GDAP1: variants seen among roughly 807,000 people sequenced by gnomAD.
GDAP1 encodes the protein ganglioside induced differentiation associated protein 1.
Under a neutral mutation model 40.1 loss-of-function variants are expected in GDAP1, and 34 were observed. That is an observed-to-expected ratio of 0.85 (90% CI 0.64 to 1.13). GDAP1 has a LOEUF of 1.13. Ranked by LOEUF, GDAP1 falls within the 50% of genes most tolerant of loss-of-function variation. The pLI is 0.00. For missense variants in GDAP1, 374 were observed against 433.7 expected, an observed-to-expected ratio of 0.86 and a Z score of 1.22; for synonymous variants, 170 against 157.4, an observed-to-expected ratio of 1.08 and a Z score of -0.60.
At chr8:74,368,899 A>G (rs1431019111), downstream of GDAP1, among the ~76,000 whole-genome samples, 4 of 152,198 alleles carry the variant, frequency 2.6e-5, no homozygotes, top group East Asian at 1.9e-4. Context: ...TGACAAATCA[A>G]AATGTCTTTG....
chr8:74,370,738 T>C (rs150160304), downstream of GDAP1, among the ~76,000 whole-genome samples: 116 of 152,354 alleles, frequency 7.6e-4, no homozygotes, highest in Admixed American at 1.2e-3. Flanking sequence ...AAGTATGCGC[T>C]ATTTATGAGA....
At chr8:74,478,238 G>T (rs1295828964) in intron 2 of GDAP1, among the ~76,000 whole-genome samples, 1 of 152,068 alleles carries the variant, frequency 6.6e-6, no homozygotes, top group Non-Finnish European at 1.5e-5. Context: ...GCAGTGACAT[G>T]GTCAGGTGCA....
intron 2 of GDAP1, among the ~76,000 whole-genome samples, chr8:74,461,902 A>G (rs1806406433): frequency 6.6e-6 from 1 of 152,230 alleles, no homozygotes; most frequent in South Asian, 2.1e-4. Context: ...GAGAAAAACA[A>G]TTCTGTTCCA....
chr8:74,386,270 A>G (rs1810023615), intron 2 of GDAP1, among the ~76,000 whole-genome samples: 2 of 152,124 alleles, frequency 1.3e-5, no homozygotes, highest in African/African-American at 2.4e-5. Flanking sequence ...GCCCATGCCT[A>G]TGTCCTGAAT....
intron 2 of GDAP1, among the ~76,000 whole-genome samples, chr8:74,479,619 C>A (rs1806680938): frequency 6.6e-6 from 1 of 152,152 alleles, no homozygotes; most frequent in Non-Finnish European, 1.5e-5. Flanking sequence ...TTATTTAGTT[C>A]TTCTGTGGGT....
At chr8:74,469,764 T>C (rs1806523148) in intron 2 of GDAP1, among the ~76,000 whole-genome samples, 1 of 150,812 alleles carries the variant, frequency 6.6e-6, no homozygotes, top group South Asian at 2.1e-4. Flanking sequence ...TCACCTGAGG[T>C]CGGGAGTTTG....
intron 2 of GDAP1, among the ~76,000 whole-genome samples, chr8:74,487,735 C>T (rs1463864784): frequency 1.3e-5 from 2 of 152,064 alleles, no homozygotes; most frequent in African/African-American, 4.8e-5. Context: ...GCCAAGAGAT[C>T]TATTTTATAT....
chr8:74,434,846 C>A lies in GDAP1; in HGVS notation c.166-53832C>A, dbSNP rs941814151. Among the ~76,000 whole-genome samples, 3 of 152,296 alleles carry A rather than the reference C, an allele frequency of 2.0e-5. No homozygotes were observed. The East Asian group carries it at 5.8e-4, about 29-fold the overall frequency. ...GGAGACTTTATACAAAAAAAGTGCT[C>A]ATCTTCCAACAGAATTGGGTTTAAA... On this transcript the variant is annotated intron_variant, in intron 2 of 2. Transcript: ENST00000523640.
intron 2 of GDAP1, among the ~76,000 whole-genome samples, chr8:74,427,094 C>T (rs1369868015): frequency 1.3e-5 from 2 of 152,176 alleles, no homozygotes; most frequent in Non-Finnish European, 2.9e-5. Context: ...CAAACAGAGG[C>T]CAGAAAAATG....
chr8:74,364,990 T>C lies in GDAP1; in HGVS notation c.*623T>C, dbSNP rs1352486597. On this transcript the variant is annotated 3_prime_UTR_variant, in exon 6 of 6. Coordinates refer to ENST00000220822, the MANE Select transcript of GDAP1 (RefSeq NM_018972.4). Reference sequence around the variant, plus strand: ...CCTTACCATTTCAGATGGTCCGCAATTTGAATTACCAAGTGGTAATGGTTC... The same window carrying C: ...CCTTACCATTTCAGATGGTCCGCAACTTGAATTACCAAGTGGTAATGGTTC... The C allele has an allele frequency of 4.4e-6, 2 of 453,996 alleles. No individual in the cohort carries two copies. The highest frequency in any genetic ancestry group is 2.0e-5 in the African/African-American group (1 of 50,002). 28.1% of individuals were successfully genotyped at this position (453,996 alleles called of 1,614,324 possible).
chr8:74,432,930 A>G (rs1806045272), intron 2 of GDAP1, among the ~76,000 whole-genome samples: 1 of 152,168 alleles, frequency 6.6e-6, no homozygotes. Flanking sequence ...ATTATGTATA[A>G]AGCCTCACAT....
intron 2 of GDAP1, among the ~76,000 whole-genome samples, chr8:74,388,785 G>A (rs551799970): frequency 3.2e-4 from 48 of 152,262 alleles, no homozygotes; most frequent in Admixed American, 9.2e-4. Flanking sequence ...AGGTGTTAAA[G>A]TCTCTCATTA....
intron 2 of GDAP1, among the ~76,000 whole-genome samples, chr8:74,447,761 C>T (rs1806250563): frequency 6.6e-6 from 1 of 152,124 alleles, no homozygotes; most frequent in South Asian, 2.1e-4. Context: ...GTTAGTGACT[C>T]CTTAGCTTTC....
At chr8:74,389,715 T>C (rs1377635313) in intron 2 of GDAP1, among the ~76,000 whole-genome samples, 1 of 152,234 alleles carries the variant, frequency 6.6e-6, no homozygotes, top group African/African-American at 2.4e-5. Context: ...AATTTGAATG[T>C]TGGCCTGCCT....
intron 2 of GDAP1, among the ~76,000 whole-genome samples, chr8:74,438,122 T>C (rs1259201015): frequency 6.6e-6 from 1 of 151,610 alleles, no homozygotes; most frequent in African/African-American, 2.4e-5. Context: ...ATACAAAAAT[T>C]AGTTGGGCAT....
intron 2 of GDAP1, among the ~76,000 whole-genome samples, chr8:74,420,944 T>G (rs1346425064): frequency 6.6e-6 from 1 of 152,148 alleles, no homozygotes; most frequent in Non-Finnish European, 1.5e-5. Context: ...ATAAGTATTT[T>G]TCTTTTCCAT....
At chr8:74,403,808 T>G (rs968521999) in intron 2 of GDAP1, among the ~76,000 whole-genome samples, 3 of 150,228 alleles carry the variant, frequency 2.0e-5, no homozygotes, top group Non-Finnish European at 4.4e-5. Context: ...ATGGAGCTGC[T>G]TTTTTGTTAA....
At chr8:74,380,258 G>T (rs867615711) in intron 2 of GDAP1, among the ~76,000 whole-genome samples, 103 of 152,180 alleles carry the variant, frequency 6.8e-4, no homozygotes, top group African/African-American at 2.0e-3. Flanking sequence ...TGAGATTCAC[G>T]GTATAAAAAT....
intron 2 of GDAP1, among the ~76,000 whole-genome samples, chr8:74,428,158 C>T (rs1042252871): frequency 3.3e-5 from 5 of 151,916 alleles, no homozygotes; most frequent in African/African-American, 4.8e-5. Flanking sequence ...TTCAGGAAGC[C>T]GACATAGGAG....
Sources: allele counts gnomAD v4.1 joint callset (sites outside exome capture counted in the v4.1 genomes callset), GRCh38; gene constraint gnomAD v4.1.1; transcripts MANE v1.5; gene names NCBI Gene and HGNC (gene_info 2026-07-23, HGNC 2026-07-21).